The following SUSD6 variants were observed in gnomAD, a reference collection of about 807,000 sequenced individuals.
The protein encoded by SUSD6 is sushi domain containing 6.
A neutral mutation model predicts 28.4 loss-of-function variants in SUSD6; 16 were observed. The observed-to-expected ratio is 0.56, with a 90% CI of 0.38 to 0.86. SUSD6 has a LOEUF of 0.86. SUSD6 is among the 40% of genes least tolerant of loss of function. SUSD6 has a pLI of 0.00. For missense variants in SUSD6, 341 were observed against 384.2 expected, an observed-to-expected ratio of 0.89 and a Z score of 0.94; for synonymous variants, 147 against 159.6, an observed-to-expected ratio of 0.92 and a Z score of 0.59.
In SUSD6 at chr14:69,708,305, T is replaced by C. The variant is rs188773675; in HGVS notation, c.459-372T>C. 2.6e-5 allele frequency among the ~76,000 whole-genome samples: 4 copies of C among 152,308 alleles called. No homozygotes were observed. The East Asian group carries it at 7.7e-4, about 29-fold the overall frequency. The stretch of plus-strand genomic sequence containing the variant: ...TTTTAGCTGTGCTGAATGAATGCCT[T>C]TATTTCTGGGTCTCTAGGCTCCTAG... On this transcript the variant is annotated intron_variant, in intron 4 of 5. Coordinates refer to ENST00000342745, the MANE Select transcript of SUSD6 (RefSeq NM_014734.4).
intron 1 of SUSD6, among the ~76,000 whole-genome samples, chr14:69,637,065 G>C (rs1304744166): frequency 1.3e-5 from 2 of 152,204 alleles, no homozygotes; most frequent in South Asian, 4.1e-4. Flanking sequence ...GGTGACCAAA[G>C]TTAGCAAAGG....
At position 69,630,355 on chromosome 14, in the gene SUSD6, G is replaced by A. The variant is rs149411485; in HGVS notation, c.-81+18527G>A. On this transcript the variant is annotated intron_variant, in intron 1 of 5. Coordinates refer to ENST00000342745, the MANE Select transcript of SUSD6 (RefSeq NM_014734.4). ...GTGAAGGCAGCAGCCAGGACCTACC[G>A]TCAGAGACCAGCAAGGAGCAGAGAA... Among the ~76,000 whole-genome samples, 23 of 152,324 alleles carry A rather than the reference G, an allele frequency of 1.5e-4. No individual in the cohort carries two copies. In the East Asian group the frequency reaches 2.7e-3, roughly 18 times the overall value.
At chr14:69,672,063 CT>C (rs1885841092) in intron 2 of SUSD6, among the ~76,000 whole-genome samples, 1 of 152,208 alleles carries the variant, frequency 6.6e-6, no homozygotes, top group Non-Finnish European at 1.5e-5. Context: ...GTCAGCATCT[CT>C]TTTCTGAATT....
intron 2 of SUSD6, among the ~76,000 whole-genome samples, chr14:69,694,036 C>T (rs149712076): frequency 2.0e-5 from 3 of 152,324 alleles, no homozygotes; most frequent in South Asian, 4.1e-4. Flanking sequence ...TTGCAAGTCA[C>T]GTTGGTTTTC....
intron 2 of SUSD6, among the ~76,000 whole-genome samples, chr14:69,677,079 A>G (rs1176706545): frequency 1.3e-5 from 2 of 152,248 alleles, no homozygotes; most frequent in Non-Finnish European, 2.9e-5. Flanking sequence ...AAGAGTGTTT[A>G]GGATGAAACC....
At chr14:69,678,408 G>A (rs1396760687) in intron 2 of SUSD6, among the ~76,000 whole-genome samples, 1 of 151,362 alleles carries the variant, frequency 6.6e-6, no homozygotes, top group Non-Finnish European at 1.5e-5. Flanking sequence ...GCAATTATTT[G>A]CAGTGATGAT....
intron 1 of SUSD6, among the ~76,000 whole-genome samples, chr14:69,644,952 C>T (rs1387517006): frequency 6.6e-6 from 1 of 152,068 alleles, no homozygotes; most frequent in Non-Finnish European, 1.5e-5. Flanking sequence ...GCGGCAGGGG[C>T]ATGGGGCTAA....
In SUSD6 at chr14:69,670,691, C is replaced by A. The variant is rs868402877; in HGVS notation, c.121+11978C>A. ...TAAAATTGGGATGATAACGTACATACCATATAGGGTTGTGGTGAAGATGAA... is the reference window on the plus strand; with the variant it reads ...TAAAATTGGGATGATAACGTACATAACATATAGGGTTGTGGTGAAGATGAA... On this transcript the variant is annotated intron_variant, in intron 2 of 5. Transcript: ENST00000342745. Among the ~76,000 whole-genome samples the A allele has an allele frequency of 3.9e-5, 6 of 152,384 alleles. No individual in the cohort carries two copies. In the South Asian group the frequency reaches 8.3e-4, roughly 21 times the overall value.
chr14:69,665,285 G>C lies in SUSD6; in HGVS notation c.121+6572G>C, dbSNP rs146703089. Among the ~76,000 whole-genome samples, 510 of 152,222 alleles carry C rather than the reference G, an allele frequency of 3.4e-3. 2 individuals carry two copies. The highest frequency in any genetic ancestry group is 0.012 in the African/African-American group (479 of 41,536). On this transcript the variant is annotated intron_variant, in intron 2 of 5. Transcript: ENST00000342745. ...AGACAGGGTTTCACTCAGTTGCCCAGGTTGGAGTGCAGTGGCTCTGTCACA... is the reference window on the plus strand; with the variant it reads ...AGACAGGGTTTCACTCAGTTGCCCACGTTGGAGTGCAGTGGCTCTGTCACA...
In SUSD6 at chr14:69,623,211, T is replaced by C. The variant is rs574023322; in HGVS notation, c.-81+11383T>C. Among the ~76,000 whole-genome samples the C allele has an allele frequency of 2.0e-5, 3 of 152,352 alleles. No homozygotes were observed. The South Asian group carries it at 6.2e-4, about 32-fold the overall frequency. On this transcript the variant is annotated intron_variant, in intron 1 of 5. Coordinates refer to ENST00000342745, the MANE Select transcript of SUSD6 (RefSeq NM_014734.4). Reference sequence around the variant, plus strand: ...TTACAGGTACCCTAAAGTCAGCATGTATTTGTGTACTAATGGAACAAAAAT... The same window carrying C: ...TTACAGGTACCCTAAAGTCAGCATGCATTTGTGTACTAATGGAACAAAAAT...
chr14:69,711,281 C>G lies in SUSD6; in HGVS notation c.*302C>G. ...CTCCCTTTTCCTAAGCCTCTGGGTCCCCTCCAGCCAGCTCTTTGGCGGCAG... is the reference window on the plus strand; with the variant it reads ...CTCCCTTTTCCTAAGCCTCTGGGTCGCCTCCAGCCAGCTCTTTGGCGGCAG... On this transcript the variant is annotated 3_prime_UTR_variant, in exon 6 of 6. Coordinates refer to ENST00000342745, the MANE Select transcript of SUSD6 (RefSeq NM_014734.4). 1.4e-5 allele frequency: 6 copies of G among 440,998 alleles called. No homozygotes were observed. Among genetic ancestry groups the G allele is most frequent in the Non-Finnish European group, 2.5e-5 (6 of 242,912 alleles). 27.3% of individuals were successfully genotyped at this position (440,998 alleles called of 1,614,324 possible). A position where few individuals can be genotyped will look rare whatever the true frequency, so the allele number is the denominator to read the frequency against.
intron 2 of SUSD6, among the ~76,000 whole-genome samples, chr14:69,695,931 G>A (rs182036000): frequency 3.0e-4 from 45 of 152,284 alleles, no homozygotes; most frequent in Admixed American, 7.2e-4. Flanking sequence ...GTATTTGTCT[G>A]GAATGCTCTA....
chr14:69,641,792 G>A (rs1042697617), intron 1 of SUSD6, among the ~76,000 whole-genome samples: 1 of 130,740 alleles, frequency 7.6e-6, no homozygotes, highest in South Asian at 2.9e-4. Context: ...TAGAGAGGAG[G>A]GGGGGTCTCC....
intron 1 of SUSD6, among the ~76,000 whole-genome samples, chr14:69,638,438 G>GTGTGTA (rs1272496960): frequency 2.0e-5 from 3 of 151,248 alleles, no homozygotes; most frequent in Non-Finnish European, 4.4e-5. Flanking sequence ...GTGTGTGTGT[G>GTGTGTA]TGTGTGTGTG....
chr14:69,668,631 G>T (rs566957685), intron 2 of SUSD6, among the ~76,000 whole-genome samples: 1 of 66,500 alleles, frequency 1.5e-5, no homozygotes, highest in Admixed American at 2.1e-4. Flanking sequence ...GCAAGAATTC[G>T]TCTCAAAAAA....
In SUSD6 at chr14:69,706,067, C is replaced by G. The variant is rs370447138; in HGVS notation, c.458+1325C>G. 1.1e-4 allele frequency among the ~76,000 whole-genome samples: 17 copies of G among 152,272 alleles called. No individual in the cohort carries two copies. The East Asian group carries it at 3.3e-3, about 29-fold the overall frequency. ...CCAAATTTGGATTTACAGACAAGGA[C>G]CAGGCTAGATTTAATCTCTGTGTAC... On this transcript the variant is annotated intron_variant, in intron 4 of 5. Coordinates refer to ENST00000342745, the MANE Select transcript of SUSD6 (RefSeq NM_014734.4).
At chr14:69,623,148 A>C (rs1566588742) in intron 1 of SUSD6, among the ~76,000 whole-genome samples, 1 of 152,242 alleles carries the variant, frequency 6.6e-6, no homozygotes, top group Non-Finnish European at 1.5e-5. Context: ...GCAACATGAT[A>C]GCAACAGCCC....
At chr14:69,663,798 C>G (rs1885697075) in intron 2 of SUSD6, among the ~76,000 whole-genome samples, 1 of 152,106 alleles carries the variant, frequency 6.6e-6, no homozygotes, top group Non-Finnish European at 1.5e-5. Context: ...AGCCACGCTA[C>G]CTGTGCTGAG....
At chr14:69,638,651 G>C (rs186354947) in intron 1 of SUSD6, among the ~76,000 whole-genome samples, 30 of 152,250 alleles carry the variant, frequency 2.0e-4, no homozygotes, top group African/African-American at 6.7e-4. Flanking sequence ...AGTAGATCTG[G>C]GATGAAGGCT....
Sources: allele counts gnomAD v4.1 joint callset (sites outside exome capture counted in the v4.1 genomes callset), GRCh38; gene constraint gnomAD v4.1.1; transcripts MANE v1.5; gene names NCBI Gene and HGNC (gene_info 2026-07-23, HGNC 2026-07-21).